The following PDLIM1 variants were observed in gnomAD, a reference collection of about 807,000 sequenced individuals.
The protein encoded by PDLIM1 is PDZ and LIM domain 1, also known as PDZ and LIM domain protein 1.
A neutral mutation model predicts 35.2 loss-of-function variants in PDLIM1; 25 were observed. The ratio of observed to expected loss-of-function variants is 0.71; its 90% CI spans 0.52 to 0.99. PDLIM1 has a LOEUF of 0.99. PDLIM1 is among the 50% of genes least tolerant of loss of function. The probability of loss-of-function intolerance (pLI) is 0.00; values close to 1 mark genes in which losing one functional copy is unlikely to be tolerated. For synonymous variants in PDLIM1, 152 were observed against 154.0 expected, an observed-to-expected ratio of 0.99 and a Z score of 0.10; for missense variants, 363 against 415.3, an observed-to-expected ratio of 0.87 and a Z score of 1.09.
At chr10:95,277,168 C>T (rs2035519192) in intron 1 of PDLIM1, among the ~76,000 whole-genome samples, 1 of 151,752 alleles carries the variant, frequency 6.6e-6, no homozygotes, top group African/African-American at 2.4e-5. Flanking sequence ...TGAGCTGAGA[C>T]TGTGCCACTG....
At position 95,256,986 on chromosome 10, in the gene PDLIM1, A is replaced by AAAAAGAAAG. The variant is rs1554832103; in HGVS notation, c.533+6877_533+6878insCTTTCTTTT. Among the ~76,000 whole-genome samples, 181 of 61,666 alleles carry AAAAAGAAAG rather than the reference A, an allele frequency of 2.9e-3. 3 individuals are homozygous for AAAAAGAAAG. The highest frequency in any genetic ancestry group is 4.9e-3 in the Non-Finnish European group (154 of 31,640). The allele number at this position is 61,666 out of a possible 152,430, so 40.5% of individuals were successfully genotyped here. The stretch of plus-strand genomic sequence containing the variant: ...TGAGACTTCATCTTAAAAAAAAAAA[A>AAAAAGAAAG]AAAGAAAGAAAGAAAGAAAGAAAGA... On this transcript the variant is annotated intron_variant, in intron 4 of 6. Transcript: ENST00000329399.
intron 3 of PDLIM1, among the ~76,000 whole-genome samples, chr10:95,265,577 G>A (rs1207501171): frequency 2.3e-5 from 3 of 132,382 alleles, no homozygotes; most frequent in Non-Finnish European, 4.7e-5. Context: ...CCTGGGCAAC[G>A]AGAGTGGAAC....
chr10:95,284,320 C>T (rs1353812309), intron 1 of PDLIM1, among the ~76,000 whole-genome samples: 1 of 151,950 alleles, frequency 6.6e-6, no homozygotes, highest in African/African-American at 2.4e-5. Flanking sequence ...TGGGTGCAAA[C>T]TATTTGCTGC....
intron 4 of PDLIM1, among the ~76,000 whole-genome samples, chr10:95,249,413 T>C (rs983990339): frequency 3.3e-5 from 5 of 152,226 alleles, no homozygotes; most frequent in Admixed American, 1.3e-4. Flanking sequence ...GATGGATAGA[T>C]TTGTATATAA....
chr10:95,280,299 G>A (rs1052592483), intron 1 of PDLIM1, among the ~76,000 whole-genome samples: 17 of 151,996 alleles, frequency 1.1e-4, no homozygotes, highest in Non-Finnish European at 1.9e-4. Context: ...CACTTGAACC[G>A]GGGAGGCAGA....
intron 1 of PDLIM1, among the ~76,000 whole-genome samples, chr10:95,277,126 G>A (rs1216937883): frequency 6.6e-6 from 1 of 152,012 alleles, no homozygotes; most frequent in East Asian, 1.9e-4. Flanking sequence ...GAGGTGGGAG[G>A]ATAGCTTGTA....
intron 2 of PDLIM1, among the ~76,000 whole-genome samples, chr10:95,269,313 T>A (rs1366657391): frequency 1.3e-5 from 2 of 152,190 alleles, no homozygotes; most frequent in East Asian, 3.9e-4. Context: ...GGCTCACGCC[T>A]GTAATCCCAG....
chr10:95,253,442 G>T (rs554467118), intron 4 of PDLIM1, among the ~76,000 whole-genome samples: 1 of 152,272 alleles, frequency 6.6e-6, no homozygotes, highest in South Asian at 2.1e-4. Flanking sequence ...CTCACCTGAG[G>T]TGAGGAGTTC....
rs1043305449 is a variant in PDLIM1, at chr10:95,253,346, C to T, written c.534-5980G>A. Among the ~76,000 whole-genome samples, 103 of 152,202 alleles carry T rather than the reference C, an allele frequency of 6.8e-4. 1 individual carries two copies. Among genetic ancestry groups the T allele is most frequent in the African/African-American group, 2.4e-3 (100 of 41,530 alleles). ...ACAGGGAAACTGAGAGCATTTATCT[C>T]TAGCAAAGCTACCCTAACAATGTTT... On this transcript the variant is annotated intron_variant, in intron 4 of 6. Coordinates refer to ENST00000329399, the MANE Select transcript of PDLIM1 (RefSeq NM_020992.4).
At chr10:95,278,080 T>G (rs762187193) in intron 1 of PDLIM1, among the ~76,000 whole-genome samples, 28 of 152,248 alleles carry the variant, frequency 1.8e-4, no homozygotes, top group Non-Finnish European at 2.9e-4. Context: ...CCCCTGTTCC[T>G]TCTTTCTCTC....
chr10:95,243,955 G>C (rs2035198548), intron 5 of PDLIM1, among the ~76,000 whole-genome samples: 4 of 152,054 alleles, frequency 2.6e-5, no homozygotes, highest in Admixed American at 2.6e-4. Flanking sequence ...GAAGGAGAGA[G>C]GAATGGTGAA....
intron 1 of PDLIM1, among the ~76,000 whole-genome samples, chr10:95,289,923 T>A (rs2035637087): frequency 6.6e-6 from 1 of 152,224 alleles, no homozygotes; most frequent in Admixed American, 6.5e-5. Flanking sequence ...GACATCAACC[T>A]GTGTTTGGCC....
chr10:95,273,591 G>A (rs959625634), intron 1 of PDLIM1, among the ~76,000 whole-genome samples: 4 of 152,102 alleles, frequency 2.6e-5, no homozygotes, highest in African/African-American at 7.2e-5. Context: ...AACCAGTACC[G>A]AGATCCTGAC....
chr10:95,256,707 C>T (rs1408445233), intron 4 of PDLIM1, among the ~76,000 whole-genome samples: 1 of 152,126 alleles, frequency 6.6e-6, no homozygotes, highest in African/African-American at 2.4e-5. Flanking sequence ...GACAGTGGCT[C>T]ATGCCTGTAA....
rs752196380 is a variant in PDLIM1, at chr10:95,238,022, T to C, written c.893A>G (p.His298Arg). The part of the protein sequence containing the change: ...DCGTNLKQKG[H>R]FFVEDQIYCE... ...GTAGATTTGATCCTCCACAAAGAAA[T>C]GGCCCTTCTGTTTCAGGTTGGTGCC... is the stretch of plus-strand genomic sequence containing the variant. Residue 298 changes from histidine (H) to arginine (R), a missense_variant, in exon 7 of 7, where the codon CAT becomes CGT. Coordinates refer to ENST00000329399, the MANE Select transcript of PDLIM1 (RefSeq NM_020992.4). 6.2e-7 allele frequency: 1 copy of C among 1,614,100 alleles called. No homozygotes were observed. Among genetic ancestry groups the C allele is most frequent in the East Asian group, 2.2e-5 (1 of 44,880 alleles).
At chr10:95,284,755 G>A (rs2035587784) in intron 1 of PDLIM1, among the ~76,000 whole-genome samples, 1 of 152,156 alleles carries the variant, frequency 6.6e-6, no homozygotes, top group Non-Finnish European at 1.5e-5. Context: ...TAGTCCCTGA[G>A]TGTTCAGTAA....
At chr10:95,261,747 G>A (rs527993173) in intron 4 of PDLIM1, among the ~76,000 whole-genome samples, 39 of 152,270 alleles carry the variant, frequency 2.6e-4, no homozygotes, top group African/African-American at 6.7e-4. Flanking sequence ...AGTGGCTCAC[G>A]TCTGTAAGCC....
chr10:95,247,429 A>G, intron 4 of PDLIM1, 63 bp from the exon 5 acceptor site: 8 of 1,363,022 alleles, frequency 5.9e-6, no homozygotes, highest in Non-Finnish European at 8.2e-6. Flanking sequence ...CTTCACCAGG[A>G]ACCTCCTCCA....
chr10:95,255,211 T>G (rs1489507175), intron 4 of PDLIM1, among the ~76,000 whole-genome samples: 1 of 151,728 alleles, frequency 6.6e-6, no homozygotes, highest in Admixed American at 6.6e-5. Context: ...ATCAAACAAT[T>G]TTAAAAGAAT....
Sources: gnomAD v4.1 joint callset for allele counts (sites outside exome capture counted in the v4.1 genomes callset) on GRCh38, gnomAD v4.1.1 for gene constraint, MANE v1.5 for transcripts, NCBI Gene and HGNC (gene_info 2026-07-23, HGNC 2026-07-21) for gene names.